Variants in TDP1 observed in about 807,000 individuals in gnomAD.
TDP1 encodes tyrosyl-DNA phosphodiesterase 1, also known as tyr-DNA phosphodiesterase 1.
TDP1 carries 64 observed loss-of-function variants against 81.5 expected under a neutral mutation model. The observed-to-expected ratio is 0.79, with a 90% CI of 0.64 to 0.97. The LOEUF (loss-of-function observed/expected upper bound fraction) is 0.97, where lower values mean the gene tolerates loss of function less well. TDP1 is among the 50% of genes least tolerant of loss of function. TDP1 has a pLI of 0.00. For missense variants in TDP1, 723 were observed against 743.8 expected (o/e 0.97, Z 0.33); for synonymous variants, 256 against 264.3 (o/e 0.97, Z 0.30).
chr14:90,006,150 A>G (rs368670301), intron 14 of TDP1, among the ~76,000 whole-genome samples: 1 of 152,166 alleles, frequency 6.6e-6, no homozygotes, highest in Non-Finnish European at 1.5e-5. Flanking sequence ...GTCCAAATCT[A>G]TTTGGTGGTT....
At chr14:89,966,059 G>T (rs1892906181) in intron 3 of TDP1, 88 bp from the exon 4 acceptor site, 4 of 1,007,598 alleles carry the variant, frequency 4.0e-6, no homozygotes, top group Middle Eastern at 2.7e-4. Flanking sequence ...GATCTTGATT[G>T]TCAGTGACTG....
At chr14:90,011,476 C>A (rs1884696792) in intron 14 of TDP1, among the ~76,000 whole-genome samples, 1 of 152,180 alleles carries the variant, frequency 6.6e-6, no homozygotes, top group Non-Finnish European at 1.5e-5. Flanking sequence ...AAGTTTGGAA[C>A]TTCCTAAAAA....
At chr14:89,958,479 G>T (rs1430004640) in intron 2 of TDP1, 1 of 152,262 alleles carries the variant, frequency 6.6e-6, no homozygotes, top group South Asian at 2.1e-4. Flanking sequence ...CCCAAGGTGG[G>T]CAGTTCGCTG....
At chr14:89,998,466 A>C (rs1896915580) in intron 14 of TDP1, among the ~76,000 whole-genome samples, 1 of 143,326 alleles carries the variant, frequency 7.0e-6, no homozygotes, top group Non-Finnish European at 1.5e-5. Context: ...ATATATGTAT[A>C]TATTAATTCA....
intron 14 of TDP1, among the ~76,000 whole-genome samples, chr14:90,017,494 T>C (rs1227208640): frequency 2.0e-5 from 3 of 152,166 alleles, no homozygotes; most frequent in Non-Finnish European, 4.4e-5. Flanking sequence ...GAGGAAGCCA[T>C]CTGAAAGGCT....
intron 14 of TDP1, among the ~76,000 whole-genome samples, chr14:90,006,580 A>G (rs939791682): frequency 6.6e-6 from 1 of 151,970 alleles, no homozygotes; most frequent in African/African-American, 2.4e-5. Flanking sequence ...TCTGTCACCC[A>G]GGCTGGAGTC....
chr14:89,986,901 C>G (rs997515489), intron 10 of TDP1: 2 of 152,216 alleles, frequency 1.3e-5, no homozygotes, highest in African/African-American at 4.8e-5. Context: ...GTTTATTTTT[C>G]TGCTCTCTCC....
At chr14:90,017,764 A>G (rs1362682149) in intron 14 of TDP1, among the ~76,000 whole-genome samples, 1 of 152,242 alleles carries the variant, frequency 6.6e-6, no homozygotes, top group Non-Finnish European at 1.5e-5. Flanking sequence ...CTAACAGGTG[A>G]AAGACCTAAA....
chr14:90,010,428 G>A (rs1884564061), intron 14 of TDP1, among the ~76,000 whole-genome samples: 2 of 152,228 alleles, frequency 1.3e-5, no homozygotes, highest in African/African-American at 4.8e-5. Flanking sequence ...ATCCTCAGGG[G>A]CTGTGACTGT....
Position 90,044,696 on chromosome 14 carries a change from A to G in TDP1, c.*1553A>G, listed in dbSNP as rs999304700. 3.3e-5 allele frequency: 5 copies of G among 152,158 alleles called. No homozygotes were observed. Among genetic ancestry groups the G allele is most frequent in the African/African-American group, 4.8e-5 (2 of 41,430 alleles). The allele number at this position is 152,158 out of a possible 1,614,324, so 9.4% of individuals were successfully genotyped here. On this transcript the variant is annotated 3_prime_UTR_variant, in exon 17 of 17. Transcript: ENST00000335725. ...TACATACTGGGATTCTGTAAAGGAC[A>G]TTATCTGGGGTGTTGTATGTATTTT...
intron 15 of TDP1, among the ~76,000 whole-genome samples, chr14:90,023,549 A>G (rs1389068731): frequency 6.6e-6 from 1 of 152,224 alleles, no homozygotes. Context: ...ATTATGATTT[A>G]TACTATTTAA....
Position 89,985,215 on chromosome 14 carries a change from C to T in TDP1, c.1131+5C>T. 6.3e-7 allele frequency: 1 copy of T among 1,576,018 alleles called. No individual in the cohort carries two copies. Among genetic ancestry groups the T allele is most frequent in the Non-Finnish European group, 8.7e-7 (1 of 1,149,828 alleles). The stretch of plus-strand genomic sequence containing the variant: ...GGACATTTTAGACTTAAGAAGGTAA[C>T]AGAACTTTTACTATTTTAACATTTT... On this transcript the variant is annotated splice_donor_5th_base_variant and intron_variant, in intron 10 of 16. Coordinates refer to ENST00000335725, the MANE Select transcript of TDP1 (RefSeq NM_018319.4).
chr14:90,039,082 T>G (rs2140347061), intron 16 of TDP1, among the ~76,000 whole-genome samples: 1 of 152,322 alleles, frequency 6.6e-6, no homozygotes, highest in Middle Eastern at 3.4e-3. Flanking sequence ...TTGAAATTGA[T>G]TCTTTTGAAA....
chr14:89,962,080 A>G (rs1310737244), intron 2 of TDP1, among the ~76,000 whole-genome samples: 1 of 152,230 alleles, frequency 6.6e-6, no homozygotes, highest in African/African-American at 2.4e-5. Flanking sequence ...TCCTGTTCTC[A>G]GAACAAGAAA....
At chr14:90,010,258 C>T (rs1884544139) in intron 14 of TDP1, among the ~76,000 whole-genome samples, 1 of 152,144 alleles carries the variant, frequency 6.6e-6, no homozygotes, top group Admixed American at 6.5e-5. Context: ...TCCTTCCTCG[C>T]CCCAAAATGG....
At chr14:90,019,087 A>G (rs890854967) in intron 14 of TDP1, 2 of 984,720 alleles carry the variant, frequency 2.0e-6, no homozygotes, top group Admixed American at 1.2e-4. Context: ...CCTCAGGAAA[A>G]TGCAGATGAG....
At chr14:89,992,844 T>A (rs1430921187) in intron 13 of TDP1, 1 of 665,082 alleles carries the variant, frequency 1.5e-6, no homozygotes, top group Non-Finnish European at 1.9e-6. Context: ...AACCATAGTC[T>A]GCAATATTGG....
chr14:90,041,353 T>C (rs1401513279), intron 16 of TDP1, among the ~76,000 whole-genome samples: 13 of 152,178 alleles, frequency 8.5e-5, no homozygotes, highest in Admixed American at 8.5e-4. Context: ...CAAGCTTGTT[T>C]AGTTAACAAA....
chr14:90,026,634 G>A (rs965124267), intron 15 of TDP1, among the ~76,000 whole-genome samples: 6 of 149,494 alleles, frequency 4.0e-5, no homozygotes, highest in African/African-American at 7.4e-5. Flanking sequence ...GACAGGCCCC[G>A]GTGTGTGGTG....
Sources: allele counts gnomAD v4.1 joint callset (sites outside exome capture counted in the v4.1 genomes callset), GRCh38; gene constraint gnomAD v4.1.1; transcripts MANE v1.5; gene names NCBI Gene and HGNC (gene_info 2026-07-23, HGNC 2026-07-21).